P2RY14: variants seen among roughly 807,000 people sequenced by gnomAD.
P2RY14 encodes purinergic receptor P2Y14, also known as P2Y purinoceptor 14.
Under a neutral mutation model 0.9 loss-of-function variants are expected in P2RY14, and 2 were observed. The ratio of observed to expected loss-of-function variants is 2.16; its 90% confidence interval spans 0.88 to 6.79. P2RY14 has a LOEUF of 6.79. Among genes scored for constraint, P2RY14 ranks in the 30% most tolerant of loss-of-function variants. The pLI, the probability that P2RY14 is intolerant of heterozygous loss-of-function variation, is 0.05. For missense variants in P2RY14, 378 were observed against 400.1 expected (o/e 0.94, Z 0.47); for synonymous variants, 158 against 147.2 (o/e 1.07, Z -0.53).
chr3:151,251,439 A>AT (rs967416257), intron 1 of P2RY14, among the ~76,000 whole-genome samples: 1 of 151,622 alleles, frequency 6.6e-6, no homozygotes, highest in African/African-American at 2.4e-5. Flanking sequence ...ACCTCAGGTC[A>AT]TTTTTTGTCT....
At chr3:151,274,956 G>C (rs929091482) in intron 1 of P2RY14, among the ~76,000 whole-genome samples, 10 of 152,184 alleles carry the variant, frequency 6.6e-5, no homozygotes, top group African/African-American at 2.4e-4. Flanking sequence ...TTCATCATCT[G>C]TAGCAGGATG....
At chr3:151,247,761 TAA>T (rs71138490) in intron 1 of P2RY14, among the ~76,000 whole-genome samples, 50 of 144,150 alleles carry the variant, frequency 3.5e-4, no homozygotes, top group South Asian at 4.3e-4. Flanking sequence ...TAATGTATAA[TAA>T]AAAAAAAAAG....
intron 1 of P2RY14, chr3:151,269,589 A>G (rs1287850812): frequency 3.2e-6 from 1 of 313,254 alleles, no homozygotes. Flanking sequence ...TCAGCCATCC[A>G]CAAGTGTCTA....
At chr3:151,263,056 C>G (rs1387168281) in intron 1 of P2RY14, among the ~76,000 whole-genome samples, 1 of 151,924 alleles carries the variant, frequency 6.6e-6, no homozygotes, top group African/African-American at 2.4e-5. Context: ...CGTGGGGTGG[C>G]GTTGGGGAAG....
At chr3:151,239,451 G>A (rs7632738) in intron 1 of P2RY14, among the ~76,000 whole-genome samples, 3,920 of 152,290 alleles carry the variant, frequency 0.026, 155 homozygotes, top group African/African-American at 0.09. Flanking sequence ...GGACATGGAA[G>A]TGGATATGAG....
intron 1 of P2RY14, among the ~76,000 whole-genome samples, chr3:151,253,496 A>C (rs1737229698): frequency 6.6e-6 from 1 of 152,062 alleles, no homozygotes. Flanking sequence ...TTAAATTTCA[A>C]CTTTAGTGGA....
intron 1 of P2RY14, among the ~76,000 whole-genome samples, chr3:151,227,511 C>T (rs1251601086): frequency 1.3e-5 from 2 of 152,218 alleles, no homozygotes; most frequent in Non-Finnish European, 2.9e-5. Context: ...ACACTTTTGG[C>T]ATAGCTTGTG....
chr3:151,248,642 A>G (rs1417830035), intron 1 of P2RY14, among the ~76,000 whole-genome samples: 3 of 152,188 alleles, frequency 2.0e-5, no homozygotes, highest in Non-Finnish European at 4.4e-5. Flanking sequence ...GCCCCATGAA[A>G]GGAAATCATG....
intron 1 of P2RY14, among the ~76,000 whole-genome samples, chr3:151,246,807 A>G (rs1020260493): frequency 6.6e-6 from 1 of 152,246 alleles, no homozygotes; most frequent in Non-Finnish European, 1.5e-5. Context: ...GCACAGCAAA[A>G]GATACTACCA....
intron 1 of P2RY14, among the ~76,000 whole-genome samples, chr3:151,247,581 G>A (rs1468333842): frequency 1.5e-5 from 2 of 136,424 alleles, no homozygotes; most frequent in Non-Finnish European, 3.1e-5. Context: ...ATGGACACAG[G>A]AAGGGGAATA....
intron 1 of P2RY14, among the ~76,000 whole-genome samples, chr3:151,225,670 C>T (rs1255789469): frequency 6.6e-6 from 1 of 152,196 alleles, no homozygotes; most frequent in East Asian, 1.9e-4. Context: ...TCCTGTGGCA[C>T]TCTTGTCCGT....
chr3:151,250,686 G>A (rs951130296), intron 1 of P2RY14, among the ~76,000 whole-genome samples: 10 of 152,276 alleles, frequency 6.6e-5, no homozygotes, highest in Non-Finnish European at 1.5e-4. Context: ...TCCTTGGGTA[G>A]CATCCACCTT....
intron 1 of P2RY14, among the ~76,000 whole-genome samples, chr3:151,244,524 A>G (rs1734933184): frequency 6.7e-6 from 1 of 149,824 alleles, no homozygotes; most frequent in Non-Finnish European, 1.5e-5. Flanking sequence ...ACTACTGGGT[A>G]CATAACGAAA....
chr3:151,229,587 T>C (rs959536390), intron 1 of P2RY14, among the ~76,000 whole-genome samples: 79 of 151,806 alleles, frequency 5.2e-4, no homozygotes, highest in African/African-American at 1.9e-3. Flanking sequence ...CATGCCATTT[T>C]CCTGCCTCAG....
chr3:151,270,889 G>A (rs1372832833), intron 1 of P2RY14, among the ~76,000 whole-genome samples: 1 of 151,936 alleles, frequency 6.6e-6, no homozygotes. Flanking sequence ...TTGTACTTTT[G>A]TACCTGTCTA....
chr3:151,223,995 T>G (rs1377551190), intron 1 of P2RY14, among the ~76,000 whole-genome samples: 2 of 152,216 alleles, frequency 1.3e-5, no homozygotes, highest in Non-Finnish European at 2.9e-5. Context: ...GATATTTTAT[T>G]TCTTAAATTC....
At chr3:151,272,076 G>A (rs1465792831) in intron 1 of P2RY14, among the ~76,000 whole-genome samples, 2 of 152,200 alleles carry the variant, frequency 1.3e-5, no homozygotes, top group Non-Finnish European at 2.9e-5. Context: ...CATACACAGA[G>A]CAGATTGTAA....
chr3:151,241,495 TC>T (rs1456304907), intron 1 of P2RY14, among the ~76,000 whole-genome samples: 2 of 152,120 alleles, frequency 1.3e-5, no homozygotes, highest in African/African-American at 4.8e-5. Flanking sequence ...TGAAGCATCT[TC>T]CCCTATAATG....
intron 1 of P2RY14, among the ~76,000 whole-genome samples, chr3:151,246,203 A>T (rs1336152687): frequency 6.6e-6 from 1 of 152,198 alleles, no homozygotes; most frequent in African/African-American, 2.4e-5. Flanking sequence ...GCTCAAGGTA[A>T]TTTATAGATT....
Sources: allele counts gnomAD v4.1 joint callset (sites outside exome capture counted in the v4.1 genomes callset), GRCh38; gene constraint gnomAD v4.1.1; transcripts MANE v1.5; gene names NCBI Gene and HGNC (gene_info 2026-07-23, HGNC 2026-07-21).